Variants in DOCK1 observed in about 807,000 individuals in gnomAD.
DOCK1 encodes dedicator of cytokinesis 1, also known as dedicator of cytokinesis protein 1.
In DOCK1, 138 loss-of-function variants were observed where a neutral mutation model predicts 262.7. The observed-to-expected ratio is 0.53, with a 90% CI of 0.46 to 0.61. The LOEUF (loss-of-function observed/expected upper bound fraction) is 0.61, where lower values mean the gene tolerates loss of function less well. Ranked by LOEUF, DOCK1 falls within the 20% of genes least tolerant of loss-of-function variation. The pLI, the probability that DOCK1 is intolerant of heterozygous loss-of-function variation, is 0.00. For missense variants in DOCK1, 1,908 were observed against 2,370.7 expected (o/e 0.80, Z 4.05); for synonymous variants, 866 against 867.4 (o/e 1.00, Z 0.03).
At chr10:127,257,189 G>A in intron 28 of DOCK1, 146 bp from the exon 29 acceptor site, 1 of 652,602 alleles carries the variant, frequency 1.5e-6, no homozygotes, top group South Asian at 2.1e-5. Context: ...CTAATTCACA[G>A]CTCCTATGAA....
intron 27 of DOCK1, among the ~76,000 whole-genome samples, chr10:127,183,071 C>T (rs1342010434): frequency 1.1e-5 from 1 of 88,636 alleles, no homozygotes; most frequent in African/African-American, 4.3e-5. Context: ...TATGGTGAAT[C>T]TTTTTTTTTT....
chr10:127,019,105 TG>T, intron 13 of DOCK1: 1 of 462,512 alleles, frequency 2.2e-6, no homozygotes, highest in South Asian at 3.8e-5. Context: ...AGCAAATGTC[TG>T]GGTAGACATC....
chr10:127,044,067 C>T (rs1052873546), intron 21 of DOCK1, among the ~76,000 whole-genome samples: 1 of 152,084 alleles, frequency 6.6e-6, no homozygotes, highest in Non-Finnish European at 1.5e-5. Flanking sequence ...GTGTGAGTTA[C>T]AGCAAAACAT....
chr10:127,050,921 CAGTAA>C lies in DOCK1; in HGVS notation c.2202-1753_2202-1749del, dbSNP rs543297589. Reference sequence around the variant, plus strand: ...TTGAACTTTCTTGTTATTTGAATTACAGTAAAGTAAAAATAATTTAATACATTTCC... The same window carrying C: ...TTGAACTTTCTTGTTATTTGAATTACAGTAAAAATAATTTAATACATTTCC... On this transcript the variant is annotated intron_variant, in intron 21 of 51. Coordinates refer to ENST00000623213, the MANE Select transcript of DOCK1 (RefSeq NM_001290223.2). Among the ~76,000 whole-genome samples, 613 of 151,996 alleles carry C rather than the reference CAGTAA, an allele frequency of 4.0e-3. 1 individual carries two copies. Among genetic ancestry groups the C allele is most frequent in the Middle Eastern group, 0.014 (4 of 292 alleles).
At chr10:127,222,257 G>A (rs1486858925) in intron 27 of DOCK1, among the ~76,000 whole-genome samples, 10 of 152,096 alleles carry the variant, frequency 6.6e-5, no homozygotes, top group African/African-American at 1.4e-4. Context: ...CAGGATCTGC[G>A]CTTACCGATG....
At chr10:127,212,243 T>C (rs1450041232) in intron 27 of DOCK1, among the ~76,000 whole-genome samples, 4 of 152,154 alleles carry the variant, frequency 2.6e-5, no homozygotes, top group Non-Finnish European at 5.9e-5. Flanking sequence ...CATTAAATTA[T>C]TTCAAGAATC....
chr10:127,271,936 C>T (rs761548531), intron 29 of DOCK1: 3 of 152,094 alleles, frequency 2.0e-5, no homozygotes, highest in Non-Finnish European at 2.9e-5. Flanking sequence ...TTAGCCAGAG[C>T]TAATTCCTTA....
chr10:127,103,791 C>T lies in DOCK1; in HGVS notation c.2446-2440C>T, dbSNP rs540814141. 5.7e-4 allele frequency among the ~76,000 whole-genome samples: 87 copies of T among 152,222 alleles called. 2 individuals carry two copies. The South Asian group carries it at 0.01, about 18-fold the overall frequency. Reference sequence around the variant, plus strand: ...TTCAGTTTTTGTGAATGTAGGTTTTCACTTCATTTGAGGAGGTGGCCAGGA... The same window carrying T: ...TTCAGTTTTTGTGAATGTAGGTTTTTACTTCATTTGAGGAGGTGGCCAGGA... On this transcript the variant is annotated intron_variant, in intron 23 of 51. Transcript: ENST00000623213.
chr10:127,314,673 G>A (rs1015790319), intron 29 of DOCK1, among the ~76,000 whole-genome samples: 3 of 152,134 alleles, frequency 2.0e-5, no homozygotes, highest in Non-Finnish European at 4.4e-5. Context: ...AGTAAGAAGA[G>A]CCACCCAATC....
At chr10:127,060,030 C>A (rs1257644394) in intron 22 of DOCK1, among the ~76,000 whole-genome samples, 1 of 152,180 alleles carries the variant, frequency 6.6e-6, no homozygotes, top group African/African-American at 2.4e-5. Context: ...GCCTCAGTCT[C>A]CATTTACTGT....
intron 29 of DOCK1, among the ~76,000 whole-genome samples, chr10:127,310,295 T>C (rs1203842121): frequency 1.8e-5 from 2 of 110,994 alleles, no homozygotes; most frequent in East Asian, 3.0e-4. Context: ...ACAGCCTTCC[T>C]AATATAAGGA....
chr10:126,926,577 C>T (rs778700494), intron 1 of DOCK1, among the ~76,000 whole-genome samples: 9 of 152,176 alleles, frequency 5.9e-5, no homozygotes, highest in African/African-American at 1.2e-4. Flanking sequence ...CCCTTAGTGC[C>T]TCAGAGTGTG....
chr10:126,944,484 C>T (rs2134280219), intron 1 of DOCK1, among the ~76,000 whole-genome samples: 1 of 152,124 alleles, frequency 6.6e-6, no homozygotes, highest in African/African-American at 2.4e-5. Context: ...CGTATGGAAG[C>T]CTCCAGAGAT....
rs374876790 is a variant in DOCK1 at position 127,447,557 on chromosome 10, A to G, written c.5565+12A>G. 8.1e-6 allele frequency: 13 copies of G among 1,613,040 alleles called. No homozygotes were observed. The African/African-American group carries it at 1.5e-4, about 18-fold the overall frequency. On this transcript the variant is annotated intron_variant, in intron 51 of 51. Transcript: ENST00000623213. ...CTCCACACCAGAGGGTAAGTCGGCA[A>G]TCTGAAACACAGGCTTTCATTGCTT... is the stretch of plus-strand genomic sequence containing the variant.
chr10:127,115,911 A>G (rs547357697), intron 25 of DOCK1, among the ~76,000 whole-genome samples: 3 of 152,316 alleles, frequency 2.0e-5, no homozygotes, highest in South Asian at 2.1e-4. Context: ...TCCCATTTCT[A>G]TAGTGGCCAA....
At chr10:127,287,718 G>C (rs907588892) in intron 29 of DOCK1, among the ~76,000 whole-genome samples, 2 of 151,342 alleles carry the variant, frequency 1.3e-5, no homozygotes, top group Non-Finnish European at 2.9e-5. Flanking sequence ...GTGGTGTGGT[G>C]TTCTTCCCAT....
intron 32 of DOCK1, among the ~76,000 whole-genome samples, chr10:127,356,032 G>A (rs192096189): frequency 6.6e-6 from 1 of 152,318 alleles, no homozygotes; most frequent in East Asian, 1.9e-4. Context: ...CATCCTTTCT[G>A]CGTGTCAGTC....
chr10:127,079,641 CT>C (rs1261092466), intron 23 of DOCK1, among the ~76,000 whole-genome samples: 4 of 152,162 alleles, frequency 2.6e-5, no homozygotes, highest in African/African-American at 9.7e-5. Flanking sequence ...ATGTAAAAGT[CT>C]ATTCCTGGCA....
chr10:127,337,377 T>TTGCC (rs1329780325), intron 29 of DOCK1, among the ~76,000 whole-genome samples: 4 of 151,998 alleles, frequency 2.6e-5, no homozygotes, highest in African/African-American at 9.7e-5. Flanking sequence ...CTGATTAGAG[T>TTGCC]TGCCAGGCAT....
Sources: allele counts gnomAD v4.1 joint callset (sites outside exome capture counted in the v4.1 genomes callset), GRCh38; gene constraint gnomAD v4.1.1; transcripts MANE v1.5; gene names NCBI Gene and HGNC (gene_info 2026-07-23, HGNC 2026-07-21).